Variants in COL19A1 observed in about 807,000 individuals in gnomAD.
The protein encoded by COL19A1 is collagen alpha-1(XIX) chain.
Under a neutral mutation model 190.2 loss-of-function variants are expected in COL19A1, and 159 were observed. That is an observed-to-expected ratio of 0.84 (90% CI 0.73 to 0.95). The LOEUF (loss-of-function observed/expected upper bound fraction) is 0.95. COL19A1 is among the 40% of genes least tolerant of loss of function. COL19A1 has a pLI of 0.00. For synonymous variants in COL19A1, 509 were observed against 458.9 expected, an observed-to-expected ratio of 1.11 and a Z score of -1.39; for missense variants, 1,418 against 1,431.9, an observed-to-expected ratio of 0.99 and a Z score of 0.16.
chr6:70,136,752 A>G (rs1785899025), intron 18 of COL19A1, among the ~76,000 whole-genome samples: 1 of 152,110 alleles, frequency 6.6e-6, no homozygotes, highest in South Asian at 2.1e-4. Flanking sequence ...TGGTACATGA[A>G]GGCTTGGTGT....
intron 42 of COL19A1, among the ~76,000 whole-genome samples, chr6:70,178,188 G>A (rs568486962): frequency 6.6e-6 from 1 of 152,300 alleles, no homozygotes; most frequent in African/African-American, 2.4e-5. Flanking sequence ...AGGAGTTAGA[G>A]ACCAACCTGG....
At chr6:69,943,032 TC>T (rs1244184757) in intron 9 of COL19A1, among the ~76,000 whole-genome samples, 12 of 152,044 alleles carry the variant, frequency 7.9e-5, no homozygotes, top group Non-Finnish European at 8.8e-5. Context: ...GTGCAAAAGT[TC>T]CCCTTTCTCC....
In COL19A1 at chr6:70,149,880, A is replaced by AACTCCAGGG. The variant is rs762978725; in HGVS notation, c.1970_1978dup (p.Thr657_Gly659dup). The stretch of plus-strand genomic sequence containing the variant: ...CTCGAGGTCTCCCTGGGTTGCCAGG[A>AACTCCAGGG]ACTCCAGGGACTCCAGGGAATGATG... On this transcript the variant is annotated inframe_insertion, in exon 29 of 51. Coordinates refer to ENST00000620364, the MANE Select transcript of COL19A1 (RefSeq NM_001858.6). 7 of 1,613,656 alleles carry AACTCCAGGG rather than the reference A, an allele frequency of 4.3e-6. No homozygotes were observed. The highest frequency in any genetic ancestry group is 1.3e-5 in the African/African-American group (1 of 74,860).
At chr6:70,102,289 G>A in intron 16 of COL19A1, 67 bp downstream of exon 16, 1 of 1,202,574 alleles carries the variant, frequency 8.3e-7, no homozygotes, top group Non-Finnish European at 1.2e-6. Flanking sequence ...TTTACCTAAG[G>A]ATTATTTTAC....
At chr6:70,180,242 G>A in intron 42 of COL19A1, 70 bp from the exon 43 acceptor site, 1 of 1,564,060 alleles carries the variant, frequency 6.4e-7, no homozygotes, top group East Asian at 2.2e-5. Flanking sequence ...ATTGGGGTTG[G>A]GGGAAGAGAA....
rs369008522 is a variant in COL19A1, at chr6:70,207,205, T to A, written c.3360T>A (p.Ser1120Arg). 47 of 1,613,800 alleles carry A rather than the reference T, an allele frequency of 2.9e-5. No individual in the cohort carries two copies. Among genetic ancestry groups the A allele is most frequent in the Non-Finnish European group, 3.8e-5 (45 of 1,179,906 alleles). ...GCCCACAGGGCCCCCCAGGACCCAG[T>A]GGAAGATGTAACCCAGAAGATTGCC... ...APGPQGPPGPSGRCNPEDCLY... is the reference protein window; with the variant it reads ...APGPQGPPGPRGRCNPEDCLY... The change falls in exon 51 of 51, where the codon AGT becomes AGA. Residue 1120 changes from serine (S) to arginine (R), a missense_variant. Ser to Arg is a moderately radical substitution (Grantham distance 110). Coordinates refer to ENST00000620364, the MANE Select transcript of COL19A1 (RefSeq NM_001858.6).
chr6:70,147,263 T>C (rs549096447), intron 27 of COL19A1, among the ~76,000 whole-genome samples: 1 of 152,286 alleles, frequency 6.6e-6, no homozygotes, highest in South Asian at 2.1e-4. Context: ...AAATTAATAT[T>C]TAAACTGGAT....
intron 17 of COL19A1, among the ~76,000 whole-genome samples, chr6:70,126,179 A>T (rs1785183411): frequency 6.6e-6 from 1 of 152,062 alleles, no homozygotes; most frequent in South Asian, 2.1e-4. Flanking sequence ...ATTTGCTAGC[A>T]AAATAATCTA....
In COL19A1 at chr6:69,938,098, C is replaced by T; in HGVS notation, c.934C>T (p.Pro312Ser). The change falls in exon 9 of 51, where the codon CCG becomes TCG. Residue 312 changes from proline (P) to serine (S), a missense_variant and splice_region_variant. Coordinates refer to ENST00000620364, the MANE Select transcript of COL19A1 (RefSeq NM_001858.6). ...TGGGCAGAAAGGGCATAAAGGAGAG[C>T]CGGTAAGAAAAAAACAAATACTGAT... ...SPGQKGHKGEPGENGLHGAPG... is the reference protein window; with the variant it reads ...SPGQKGHKGESGENGLHGAPG... 1 of 1,610,872 alleles carries T rather than the reference C, an allele frequency of 6.2e-7. No individual in the cohort carries two copies. Among genetic ancestry groups the T allele is most frequent in the Non-Finnish European group, 8.5e-7 (1 of 1,178,522 alleles).
intron 1 of COL19A1, among the ~76,000 whole-genome samples, chr6:69,878,203 T>TA (rs1396300125): frequency 1.0e-4 from 15 of 148,042 alleles, no homozygotes; most frequent in African/African-American, 2.5e-4. Flanking sequence ...ATATATATAT[T>TA]TATTTCTTTT....
rs1389733030 is a variant in COL19A1, at chr6:70,185,679, A to G, written c.2856+764A>G. 2.0e-5 allele frequency among the ~76,000 whole-genome samples: 3 copies of G among 152,184 alleles called. No individual in the cohort carries two copies. In the East Asian group the frequency reaches 5.8e-4, roughly 29 times the overall value. On this transcript the variant is annotated intron_variant, in intron 46 of 50. Transcript: ENST00000620364. ...TTAACTTCTACTAGAATTAATTTCC[A>G]CTAGAATTAATAGAATTAATTTCTA...
intron 2 of COL19A1, among the ~76,000 whole-genome samples, chr6:69,892,550 T>C (rs768914147): frequency 1.3e-5 from 2 of 152,218 alleles, no homozygotes; most frequent in Non-Finnish European, 2.9e-5. Context: ...TACATAGGTT[T>C]TTTGGATTGG....
chr6:70,144,253 A>G lies in COL19A1; in HGVS notation c.1670A>G (p.Lys557Arg), dbSNP rs753738836. 6 of 1,612,334 alleles carry G rather than the reference A, an allele frequency of 3.7e-6. No homozygotes were observed. In the South Asian group the frequency reaches 6.6e-5, roughly 18 times the overall value. ...EHGIPGKQGIKGEKGDPGGII... is the reference protein window; with the variant it reads ...EHGIPGKQGIRGEKGDPGGII... Reference sequence around the variant, plus strand: ...GGTATCCCAGGAAAACAAGGCATTAAAGGAGAAAAGGTATAGTTTACATTT... The same window carrying G: ...GGTATCCCAGGAAAACAAGGCATTAGAGGAGAAAAGGTATAGTTTACATTT... The change falls in exon 24 of 51, where the codon AAA (lysine) becomes AGA (arginine). Residue 557 changes from lysine to arginine, a missense_variant. By Grantham distance (26) the Lys-to-Arg change is conservative. Transcript: ENST00000620364.
chr6:69,884,680 G>T (rs1270605852), intron 2 of COL19A1, among the ~76,000 whole-genome samples: 1 of 152,130 alleles, frequency 6.6e-6, no homozygotes, highest in Non-Finnish European at 1.5e-5. Context: ...CCATTGAGTG[G>T]CTGGCTTTGT....
intron 48 of COL19A1, among the ~76,000 whole-genome samples, chr6:70,193,087 A>G (rs1196964106): frequency 6.8e-6 from 1 of 147,430 alleles, no homozygotes; most frequent in Non-Finnish European, 1.5e-5. Flanking sequence ...AGAAAATATA[A>G]CCAAGCATTT....
chr6:69,948,557 T>C (rs1773951683), intron 9 of COL19A1, among the ~76,000 whole-genome samples: 1 of 151,758 alleles, frequency 6.6e-6, no homozygotes, highest in Non-Finnish European at 1.5e-5. Flanking sequence ...CAAAAGCTGA[T>C]CAAATGAATT....
chr6:69,872,051 A>G, intron 1 of COL19A1, among the ~76,000 whole-genome samples: 1 of 152,154 alleles, frequency 6.6e-6, no homozygotes, highest in Non-Finnish European at 1.5e-5. Flanking sequence ...TCCTGACATC[A>G]GGCAATCTGC....
At chr6:70,203,946 C>T (rs910640444) in intron 49 of COL19A1, among the ~76,000 whole-genome samples, 5 of 151,948 alleles carry the variant, frequency 3.3e-5, no homozygotes, top group Admixed American at 6.6e-5. Flanking sequence ...CTGCAACCTC[C>T]GCCTCCTGGG....
chr6:70,146,194 G>A (rs1184371840), intron 25 of COL19A1, among the ~76,000 whole-genome samples: 4 of 152,084 alleles, frequency 2.6e-5, no homozygotes, highest in East Asian at 1.9e-4. Context: ...AAACATAAAC[G>A]TTCCTAGGGC....
Sources: allele counts gnomAD v4.1 joint callset (sites outside exome capture counted in the v4.1 genomes callset), GRCh38; gene constraint gnomAD v4.1.1; transcripts MANE v1.5; gene names NCBI Gene and HGNC (gene_info 2026-07-23, HGNC 2026-07-21).